Variants in PRMT3 observed in about 807,000 individuals in gnomAD.
PRMT3 encodes the protein protein arginine methyltransferase 3, also known as protein arginine N-methyltransferase 3.
Under a neutral mutation model 71.9 loss-of-function variants are expected in PRMT3, and 62 were observed. That is an observed-to-expected ratio of 0.86 (90% CI 0.70 to 1.07). PRMT3 has a LOEUF of 1.07. Among genes scored for constraint, PRMT3 ranks in the 50% least tolerant of loss-of-function variants. The pLI, the probability that PRMT3 is intolerant of heterozygous loss-of-function variation, is 0.00. For synonymous variants in PRMT3, 213 were observed against 220.4 expected, an observed-to-expected ratio of 0.97 and a Z score of 0.30; for missense variants, 663 against 643.0, an observed-to-expected ratio of 1.03 and a Z score of -0.34.
intron 9 of PRMT3, among the ~76,000 whole-genome samples, chr11:20,417,776 AC>A (rs1849340497): frequency 6.8e-5 from 1 of 14,742 alleles, no homozygotes; most frequent in Non-Finnish European, 5.5e-4. Context: ...TCTCTCTGTC[AC>A]ACACACACAC....
At chr11:20,474,824 G>A (rs1850740462) in intron 13 of PRMT3, among the ~76,000 whole-genome samples, 1 of 152,232 alleles carries the variant, frequency 6.6e-6, no homozygotes, top group South Asian at 2.1e-4. Flanking sequence ...TTGAACAAAG[G>A]AGGGAAGCAA....
chr11:20,441,779 T>C (rs1409522177), intron 10 of PRMT3, among the ~76,000 whole-genome samples: 2 of 150,188 alleles, frequency 1.3e-5, no homozygotes, highest in African/African-American at 4.9e-5. Context: ...CTACCTACAA[T>C]AGTTTCAGGT....
chr11:20,445,176 T>TA (rs1463003995), intron 10 of PRMT3, among the ~76,000 whole-genome samples: 66 of 152,068 alleles, frequency 4.3e-4, no homozygotes, highest in African/African-American at 1.2e-3. Flanking sequence ...CTTAATTTTT[T>TA]AAAAAAAATC....
chr11:20,505,790 T>C (rs1428044747), intron 15 of PRMT3, among the ~76,000 whole-genome samples: 2 of 152,024 alleles, frequency 1.3e-5, no homozygotes, highest in Admixed American at 1.3e-4. Flanking sequence ...GTATCATTGT[T>C]CATTAGTTAT....
chr11:20,493,717 A>T (rs1851264613), intron 13 of PRMT3, among the ~76,000 whole-genome samples: 1 of 152,130 alleles, frequency 6.6e-6, no homozygotes, highest in Non-Finnish European at 1.5e-5. Context: ...TATTACCTTT[A>T]TTATGTTGTT....
chr11:20,475,764 C>T (rs1168122674), intron 13 of PRMT3, among the ~76,000 whole-genome samples: 2 of 150,808 alleles, frequency 1.3e-5, no homozygotes, highest in Non-Finnish European at 2.9e-5. Context: ...AGGAAATTCT[C>T]CTGCCTCAGC....
At chr11:20,439,992 G>C (rs149741576) in intron 10 of PRMT3, among the ~76,000 whole-genome samples, 118 of 152,324 alleles carry the variant, frequency 7.7e-4, no homozygotes, top group African/African-American at 2.7e-3. Context: ...TGGTACTACA[G>C]AGTAGTGAGG....
chr11:20,460,549 G>C lies in PRMT3; in HGVS notation c.1073-1431G>C, dbSNP rs193038890. On this transcript the variant is annotated intron_variant, in intron 11 of 15. Coordinates refer to ENST00000331079, the MANE Select transcript of PRMT3 (RefSeq NM_005788.4). ...AGTATTCATTATCTATTCTCCCTAG[G>C]TCTCATGAACTCCCTTTACTTATCT... 1.7e-4 allele frequency among the ~76,000 whole-genome samples: 26 copies of C among 151,968 alleles called. No homozygotes were observed. The East Asian group carries it at 4.3e-3, about 25-fold the overall frequency.
intron 10 of PRMT3, among the ~76,000 whole-genome samples, chr11:20,445,883 A>G (rs1850016248): frequency 6.6e-6 from 1 of 152,182 alleles, no homozygotes; most frequent in African/African-American, 2.4e-5. Flanking sequence ...TGTTCATAAC[A>G]TTCATTTATA....
At chr11:20,470,567 G>T (rs188453757) in intron 13 of PRMT3, among the ~76,000 whole-genome samples, 4 of 152,106 alleles carry the variant, frequency 2.6e-5, no homozygotes, top group Non-Finnish European at 5.9e-5. Flanking sequence ...ACATGATCTC[G>T]TTCCTTTTTA....
chr11:20,494,218 G>A lies in PRMT3; in HGVS notation c.1450G>A (p.Val484Ile), dbSNP rs200273283. The A allele has an allele frequency of 6.2e-7, 1 of 1,610,810 alleles. No individual in the cohort carries two copies. Among genetic ancestry groups the A allele is most frequent in the Non-Finnish European group, 8.5e-7 (1 of 1,177,114 alleles). Residue 484 changes from valine to isoleucine, a missense_variant, in exon 15 of 16, where the codon GTA becomes ATA. Transcript: ENST00000331079. ...CACCAAAACACACTGGAAACAAACA[G>A]TATTTCTACTGGAAAAACCATTTTC... Reference protein sequence around the residue: ...QSTKTHWKQTVFLLEKPFSVK... With the variant: ...QSTKTHWKQTIFLLEKPFSVK...
Position 20,393,008 on chromosome 11 carries a change from A to T in PRMT3, c.400+9A>T, listed in dbSNP as rs761049097. 2.2e-5 allele frequency: 33 copies of T among 1,517,616 alleles called. No individual in the cohort carries two copies. The East Asian group carries it at 7.4e-4, about 34-fold the overall frequency. The allele number at this position is 1,517,616 out of a possible 1,614,324, so 94.0% of individuals were successfully genotyped here. A position where few individuals can be genotyped will look rare whatever the true frequency, so the allele number is the denominator to read the frequency against. On this transcript the variant is annotated intron_variant, in intron 5 of 15. Coordinates refer to ENST00000331079, the MANE Select transcript of PRMT3 (RefSeq NM_005788.4). ...CCTTTTACTTCAATTTGGTAAGATGAACATAAGTGTATCTCCTTTAATTAA... is the reference window on the plus strand; with the variant it reads ...CCTTTTACTTCAATTTGGTAAGATGTACATAAGTGTATCTCCTTTAATTAA...
intron 9 of PRMT3, among the ~76,000 whole-genome samples, chr11:20,409,654 A>AAAAC (rs1555008188): frequency 6.9e-6 from 1 of 144,238 alleles, no homozygotes; most frequent in Non-Finnish European, 1.5e-5. Flanking sequence ...GGAATACACA[A>AAAAC]ACACACACAC....
chr11:20,391,850 A>C (rs1478396438), intron 3 of PRMT3, among the ~76,000 whole-genome samples: 4 of 152,336 alleles, frequency 2.6e-5, no homozygotes, highest in South Asian at 2.1e-4. Context: ...TACACACCAT[A>C]AAAATTAGGG....
intron 9 of PRMT3, among the ~76,000 whole-genome samples, chr11:20,425,498 T>C (rs1447488357): frequency 6.6e-6 from 1 of 152,220 alleles, no homozygotes. Flanking sequence ...AATCCAGAAT[T>C]ACATACACAG....
At chr11:20,432,858 G>A (rs2133360713) in intron 10 of PRMT3, among the ~76,000 whole-genome samples, 1 of 152,130 alleles carries the variant, frequency 6.6e-6, no homozygotes, top group South Asian at 2.1e-4. Context: ...CTTCTTTTGA[G>A]AGATGTCTAT....
chr11:20,388,133 C>CCGT lies in PRMT3; in HGVS notation c.144_145insGTC (p.Thr48_Pro49insVal). The CCGT allele has an allele frequency of 6.2e-7, 1 of 1,613,906 alleles. No homozygotes were observed. The stretch of plus-strand genomic sequence containing the variant: ...GATCTCCCCCACGGCAAGCAGCAGA[C>CCGT]CCCCTGCCTGTTCTGTAACAGGTTC... On this transcript the variant is annotated inframe_insertion, in exon 2 of 16. Coordinates refer to ENST00000331079, the MANE Select transcript of PRMT3 (RefSeq NM_005788.4).
At chr11:20,503,086 A>T (rs1044891361) in intron 15 of PRMT3, among the ~76,000 whole-genome samples, 1 of 149,982 alleles carries the variant, frequency 6.7e-6, no homozygotes, top group Non-Finnish European at 1.5e-5. Flanking sequence ...CTTAAAAAAT[A>T]CTTGTTACAC....
At chr11:20,440,489 C>CA (rs55801324) in intron 10 of PRMT3, among the ~76,000 whole-genome samples, 39,437 of 113,530 alleles carry the variant, frequency 0.35, 6,383 homozygotes, top group Non-Finnish European at 0.44. Flanking sequence ...ACTAAAAATA[C>CA]AAAAAAAAAA....
Sources: allele counts gnomAD v4.1 joint callset (sites outside exome capture counted in the v4.1 genomes callset), GRCh38; gene constraint gnomAD v4.1.1; transcripts MANE v1.5; gene names NCBI Gene and HGNC (gene_info 2026-07-23, HGNC 2026-07-21).